Variants in MICU1 observed in about 807,000 individuals in gnomAD.
The protein encoded by MICU1 is calcium uptake protein 1, mitochondrial.
Under a neutral mutation model 56.8 loss-of-function variants are expected in MICU1, and 45 were observed. The observed-to-expected ratio is 0.79, with a 90% CI of 0.62 to 1.02. The LOEUF is 1.02. MICU1 is among the 50% of genes least tolerant of loss of function. The probability of loss-of-function intolerance (pLI) is 0.00; values close to 1 mark genes in which losing one functional copy is unlikely to be tolerated. For missense variants in MICU1, 504 were observed against 587.1 expected (o/e 0.86, Z 1.46); for synonymous variants, 186 against 195.1 (o/e 0.95, Z 0.39).
intron 8 of MICU1, among the ~76,000 whole-genome samples, chr10:72,442,070 C>T (rs925214291): frequency 5.9e-5 from 9 of 152,156 alleles, no homozygotes; most frequent in African/African-American, 1.4e-4. Flanking sequence ...AAGAGGGTAT[C>T]CATTTTCAGT....
chr10:72,409,987 C>A (rs913343022), intron 9 of MICU1, among the ~76,000 whole-genome samples: 1 of 152,146 alleles, frequency 6.6e-6, no homozygotes, highest in South Asian at 2.1e-4. Flanking sequence ...CTGACAATAA[C>A]CACTATTCTG....
At position 72,551,273 on chromosome 10, in the gene MICU1, G is replaced by A. The variant is rs1217983706; in HGVS notation, c.399C>T (p.Thr133=). The A allele has an allele frequency of 6.2e-7, 1 of 1,613,480 alleles. No homozygotes were observed. The highest frequency in any genetic ancestry group is 1.7e-5 in the Admixed American group (1 of 59,958). ...CACCAGGCTCACTGATGACTTTCAA[G>A]GTGGCAAAATATCGGAAGATTTTGT... ...TPDKIFRYFA[T]LKVISEPGEA... The change falls in exon 4 of 12, where the codon ACC becomes ACT. Residue 133 remains threonine (T), a synonymous_variant. Coordinates refer to ENST00000361114, the MANE Select transcript of MICU1 (RefSeq NM_001195518.2).
chr10:72,568,264 A>C (rs368519412), intron 1 of MICU1, among the ~76,000 whole-genome samples: 1 of 152,220 alleles, frequency 6.6e-6, no homozygotes, highest in East Asian at 1.9e-4. Context: ...CATCTGTATT[A>C]GTGCATATTA....
chr10:72,573,387 A>AG (rs71021509), intron 1 of MICU1, among the ~76,000 whole-genome samples: 87,127 of 148,744 alleles, frequency 0.59, 26,951 homozygotes, highest in Non-Finnish European at 0.68. Flanking sequence ...TCATATAAAA[A>AG]AGGAGAAAAT....
intron 10 of MICU1, among the ~76,000 whole-genome samples, chr10:72,399,782 G>T (rs888150367): frequency 1.3e-5 from 2 of 151,892 alleles, no homozygotes; most frequent in African/African-American, 4.8e-5. Context: ...GGCCAACATG[G>T]TAAAACCCCA....
intron 1 of MICU1, among the ~76,000 whole-genome samples, chr10:72,616,475 T>A (rs1841982414): frequency 6.6e-6 from 1 of 151,670 alleles, no homozygotes; most frequent in Non-Finnish European, 1.5e-5. Context: ...TAATCCCAGC[T>A]ACTTGGGAGG....
At chr10:72,579,314 T>C (rs1840836564) in intron 1 of MICU1, among the ~76,000 whole-genome samples, 1 of 152,180 alleles carries the variant, frequency 6.6e-6, no homozygotes, top group East Asian at 1.9e-4. Context: ...AGTAAGGGCC[T>C]GTTCCGCATA....
At chr10:72,393,459 C>T (rs1172652891) in intron 10 of MICU1, among the ~76,000 whole-genome samples, 1 of 152,244 alleles carries the variant, frequency 6.6e-6, no homozygotes, top group South Asian at 2.1e-4. Flanking sequence ...ACAACCGATA[C>T]AAAGGCCTTA....
chr10:72,593,230 G>A (rs1276335516), intron 1 of MICU1, among the ~76,000 whole-genome samples: 1 of 152,102 alleles, frequency 6.6e-6, no homozygotes, highest in Non-Finnish European at 1.5e-5. Flanking sequence ...CAAGAACAAG[G>A]CAAGGATGTC....
intron 1 of MICU1, among the ~76,000 whole-genome samples, chr10:72,611,970 G>C (rs185027823): frequency 2.1e-4 from 29 of 139,696 alleles, no homozygotes; most frequent in African/African-American, 5.9e-4. Context: ...ACTCCTGCCT[G>C]AGCAACACAG....
intron 9 of MICU1, among the ~76,000 whole-genome samples, chr10:72,420,678 ATT>A (rs113493810): frequency 2.2e-5 from 3 of 139,214 alleles, no homozygotes; most frequent in African/African-American, 2.6e-5. Flanking sequence ...AGAGGCCTGG[ATT>A]TTTTTTTTTT....
intron 10 of MICU1, among the ~76,000 whole-genome samples, chr10:72,392,913 T>G (rs78578501): frequency 2.0e-5 from 3 of 152,178 alleles, no homozygotes; most frequent in African/African-American, 4.8e-5. Flanking sequence ...ATGGAAGGAT[T>G]TGGAAAGGCT....
chr10:72,566,891 T>C (rs990256835), intron 1 of MICU1, 97 bp from the exon 2 acceptor site: 11 of 1,062,148 alleles, frequency 1.0e-5, no homozygotes, highest in African/African-American at 9.6e-5. Context: ...ACTAAAGTAA[T>C]TGCTCTATGA....
intron 6 of MICU1, among the ~76,000 whole-genome samples, chr10:72,484,703 T>C (rs1034250141): frequency 3.3e-5 from 5 of 152,124 alleles, no homozygotes; most frequent in African/African-American, 4.8e-5. Flanking sequence ...TGTGGTGAGC[T>C]GTGATCATGT....
chr10:72,505,186 C>A (rs1867205490), intron 6 of MICU1, among the ~76,000 whole-genome samples: 2 of 151,860 alleles, frequency 1.3e-5, no homozygotes, highest in Non-Finnish European at 2.9e-5. Flanking sequence ...ACCATGTTGG[C>A]CAGGCTGATC....
chr10:72,460,169 C>T lies in MICU1; in HGVS notation c.933+14931G>A, dbSNP rs138238694. ...AAAGTGTCCAAATATCCGTGGTGCA[C>T]CATTCAAAATACTTCATGACCTGGC... On this transcript the variant is annotated intron_variant, in intron 8 of 11. Coordinates refer to ENST00000361114, the MANE Select transcript of MICU1 (RefSeq NM_001195518.2). Among the ~76,000 whole-genome samples, 335 of 152,268 alleles carry T rather than the reference C, an allele frequency of 2.2e-3. 3 individuals carry two copies. Among genetic ancestry groups the T allele is most frequent in the African/African-American group, 7.7e-3 (320 of 41,548 alleles).
At chr10:72,370,509 C>A (rs1264910491) in intron 11 of MICU1, among the ~76,000 whole-genome samples, 1 of 151,956 alleles carries the variant, frequency 6.6e-6, no homozygotes, top group African/African-American at 2.4e-5. Context: ...CCAAACCCAA[C>A]AAAACAAAAC....
In MICU1 at chr10:72,562,880, G is replaced by A; in HGVS notation, c.330+15C>T. On this transcript the variant is annotated intron_variant, in intron 3 of 11. Coordinates refer to ENST00000361114, the MANE Select transcript of MICU1 (RefSeq NM_001195518.2). Reference sequence around the variant, plus strand: ...AGATATACTTCTGATCAACTTATAAGACTATGTTTCATACTTTTCTGTCTC... The same window carrying A: ...AGATATACTTCTGATCAACTTATAAAACTATGTTTCATACTTTTCTGTCTC... 1 of 1,565,336 alleles carries A rather than the reference G, an allele frequency of 6.4e-7. No individual in the cohort carries two copies. Among genetic ancestry groups the A allele is most frequent in the East Asian group, 2.3e-5 (1 of 43,938 alleles).
intron 9 of MICU1, among the ~76,000 whole-genome samples, chr10:72,412,049 T>C (rs565459782): frequency 3.3e-5 from 5 of 152,228 alleles, no homozygotes; most frequent in Non-Finnish European, 5.9e-5. Context: ...GGAAATTGTA[T>C]TGGACACAGG....
Sources: gnomAD v4.1 joint callset for allele counts (sites outside exome capture counted in the v4.1 genomes callset) on GRCh38, gnomAD v4.1.1 for gene constraint, MANE v1.5 for transcripts, NCBI Gene and HGNC (gene_info 2026-07-23, HGNC 2026-07-21) for gene names.